Variants in STPG2 observed in about 807,000 individuals in gnomAD.
The protein encoded by STPG2 is sperm tail PG-rich repeat containing 2, also known as sperm-tail PG-rich repeat-containing protein 2.
A neutral mutation model predicts 54.2 loss-of-function variants in STPG2; 56 were observed. The observed-to-expected ratio is 1.03, with a 90% CI of 0.83 to 1.29. The LOEUF (loss-of-function observed/expected upper bound fraction) is 1.29. Ranked by LOEUF, STPG2 falls within the 50% of genes most tolerant of loss-of-function variation. STPG2 has a pLI of 0.00. For missense variants in STPG2, 596 were observed against 544.9 expected, an observed-to-expected ratio of 1.09 and a Z score of -0.93; for synonymous variants, 200 against 181.8, an observed-to-expected ratio of 1.10 and a Z score of -0.81.
intron 4 of STPG2, among the ~76,000 whole-genome samples, chr4:97,502,149 A>T (rs776143064): frequency 6.6e-6 from 1 of 152,006 alleles, no homozygotes; most frequent in Non-Finnish European, 1.5e-5. Context: ...TAAAAAGTTT[A>T]AGGAATATAA....
chr4:98,136,195 A>G (rs7678567), intron 1 of STPG2, among the ~76,000 whole-genome samples: 60,175 of 151,284 alleles, frequency 0.4, 12,218 homozygotes, highest in African/African-American at 0.46. Context: ...ACACTAGATG[A>G]AATTAATAAC....
intron 9 of STPG2, among the ~76,000 whole-genome samples, chr4:97,831,075 T>C (rs1378327117): frequency 6.6e-6 from 1 of 152,170 alleles, no homozygotes; most frequent in Non-Finnish European, 1.5e-5. Flanking sequence ...TATACATTCT[T>C]CTCAGCACCT....
intron 4 of STPG2, among the ~76,000 whole-genome samples, chr4:97,527,799 T>C (rs1731316565): frequency 6.6e-6 from 1 of 152,314 alleles, no homozygotes; most frequent in East Asian, 1.9e-4. Flanking sequence ...AATGTCTTCT[T>C]TTGAGAAGTG....
chr4:97,759,959 G>A (rs547865318), intron 9 of STPG2, among the ~76,000 whole-genome samples: 15 of 151,978 alleles, frequency 9.9e-5, no homozygotes, highest in Non-Finnish European at 1.3e-4. Flanking sequence ...GTATGAATCA[G>A]ACTGTGTCAC....
chr4:97,999,184 C>G (rs377340186), intron 5 of STPG2, among the ~76,000 whole-genome samples: 2 of 152,132 alleles, frequency 1.3e-5, no homozygotes, highest in East Asian at 3.9e-4. Context: ...TTACCAAGAA[C>G]ATAGTATTTG....
chr4:97,525,550 C>G lies in STPG2; in HGVS notation c.462+187149G>C, dbSNP rs80130813. 3.8e-3 allele frequency among the ~76,000 whole-genome samples: 578 copies of G among 151,738 alleles called. 3 individuals are homozygous for G. Among genetic ancestry groups the G allele is most frequent in the African/African-American group, 0.014 (567 of 41,406 alleles). ...CAAATTAGTTGCTTGCCAGAATAAACATCTACACTGTTCGAAGAAAAATAA... is the reference window on the plus strand; with the variant it reads ...CAAATTAGTTGCTTGCCAGAATAAAGATCTACACTGTTCGAAGAAAAATAA... On this transcript the variant is annotated intron_variant, in intron 4 of 4. Coordinates refer to the STPG2 transcript ENST00000522676.
chr4:97,860,601 T>G (rs1043094056), intron 8 of STPG2, among the ~76,000 whole-genome samples: 2 of 152,042 alleles, frequency 1.3e-5, no homozygotes, highest in African/African-American at 2.4e-5. Flanking sequence ...TGTAGAGCCA[T>G]GCTACTGATT....
At chr4:97,613,396 A>G (rs887245235) in intron 10 of STPG2, among the ~76,000 whole-genome samples, 6 of 151,982 alleles carry the variant, frequency 3.9e-5, no homozygotes, top group African/African-American at 1.4e-4. Flanking sequence ...AAAAGGTGAA[A>G]TGCCCTTATT....
intron 10 of STPG2, among the ~76,000 whole-genome samples, chr4:97,580,563 C>T (rs1003390618): frequency 1.3e-5 from 2 of 151,432 alleles, no homozygotes; most frequent in Middle Eastern, 3.4e-3. Context: ...TGTCTCTCTC[C>T]CTCTCACACA....
At chr4:97,767,121 A>G (rs568115755) in intron 9 of STPG2, among the ~76,000 whole-genome samples, 158 of 152,280 alleles carry the variant, frequency 1.0e-3, no homozygotes, top group African/African-American at 3.7e-3. Context: ...TTATTTTATG[A>G]CTTAAAAGGC....
intron 3 of STPG2, among the ~76,000 whole-genome samples, chr4:98,125,010 G>GT (rs1739790204): frequency 6.6e-6 from 1 of 152,148 alleles, no homozygotes; most frequent in South Asian, 2.1e-4. Flanking sequence ...TTCATGTTGT[G>GT]TTTTTCAGCT....
intron 5 of STPG2, among the ~76,000 whole-genome samples, chr4:98,065,766 G>C (rs1737815221): frequency 6.6e-6 from 1 of 152,032 alleles, no homozygotes; most frequent in African/African-American, 2.4e-5. Context: ...CCCAGATCCT[G>C]ATGACTTCTT....
intron 4 of STPG2, among the ~76,000 whole-genome samples, chr4:97,542,229 G>C (rs886326377): frequency 2.0e-5 from 3 of 152,134 alleles, no homozygotes; most frequent in African/African-American, 4.8e-5. Context: ...ATCTGACAAA[G>C]GGCTAATATC....
intron 10 of STPG2, among the ~76,000 whole-genome samples, chr4:97,706,358 G>T (rs1458559110): frequency 6.6e-6 from 1 of 152,064 alleles, no homozygotes; most frequent in Non-Finnish European, 1.5e-5. Flanking sequence ...TAGAAAGTTG[G>T]CATTTGTAGG....
intron 5 of STPG2, among the ~76,000 whole-genome samples, chr4:98,060,056 T>C (rs941193906): frequency 3.3e-5 from 5 of 152,314 alleles, no homozygotes; most frequent in Admixed American, 6.5e-5. Flanking sequence ...CTGGAAGTCC[T>C]AGCCAGAGCA....
intron 8 of STPG2, among the ~76,000 whole-genome samples, chr4:97,922,703 A>C (rs1302387634): frequency 6.6e-6 from 1 of 152,232 alleles, no homozygotes; most frequent in Non-Finnish European, 1.5e-5. Flanking sequence ...TCCTGCAAAC[A>C]GGAGATGCTA....
intron 8 of STPG2, among the ~76,000 whole-genome samples, chr4:97,907,648 T>C (rs1305635902): frequency 6.6e-6 from 1 of 152,150 alleles, no homozygotes; most frequent in African/African-American, 2.4e-5. Flanking sequence ...CAAAACAGCA[T>C]GGTACTGGTA....
chr4:97,953,866 C>A (rs1053288638), intron 7 of STPG2, among the ~76,000 whole-genome samples: 9 of 152,180 alleles, frequency 5.9e-5, no homozygotes, highest in Non-Finnish European at 1.0e-4. Flanking sequence ...TAAGTTCCTG[C>A]ATTGCTTCTC....
At chr4:97,967,889 T>C (rs916306467) in intron 7 of STPG2, among the ~76,000 whole-genome samples, 2 of 152,084 alleles carry the variant, frequency 1.3e-5, no homozygotes, top group African/African-American at 4.8e-5. Context: ...TACTACTAAA[T>C]GCCCACAAGA....
Sources: allele counts gnomAD v4.1 joint callset (sites outside exome capture counted in the v4.1 genomes callset), GRCh38; gene constraint gnomAD v4.1.1; transcripts MANE v1.5; gene names NCBI Gene and HGNC (gene_info 2026-07-23, HGNC 2026-07-21).